MCTP1: variants seen among roughly 807,000 people sequenced by gnomAD.
The protein encoded by MCTP1 is multiple C2 and transmembrane domain-containing protein 1.
Under a neutral mutation model 120.6 loss-of-function variants are expected in MCTP1, and 69 were observed. The observed-to-expected ratio is 0.57, with a 90% CI of 0.47 to 0.70. MCTP1 has a LOEUF of 0.70. Among genes scored for constraint, MCTP1 ranks in the 30% least tolerant of loss-of-function variants. The probability of loss-of-function intolerance (pLI) is 0.00; values close to 1 mark genes in which losing one functional copy is unlikely to be tolerated. For missense variants in MCTP1, 1,203 were observed against 1,248.8 expected (o/e 0.96, Z 0.55); for synonymous variants, 529 against 493.1 (o/e 1.07, Z -0.96).
At chr5:95,115,449 A>T (rs934076391) in intron 1 of MCTP1, among the ~76,000 whole-genome samples, 5 of 152,096 alleles carry the variant, frequency 3.3e-5, no homozygotes, top group Non-Finnish European at 7.4e-5. Context: ...AATTTAAAAG[A>T]ATCAAGCAGA....
intron 1 of MCTP1, among the ~76,000 whole-genome samples, chr5:95,272,482 G>A (rs1666459844): frequency 6.6e-6 from 1 of 152,200 alleles, no homozygotes; most frequent in African/African-American, 2.4e-5. Flanking sequence ...GTTATACAAA[G>A]TTATCCAAGT....
intron 1 of MCTP1, among the ~76,000 whole-genome samples, chr5:95,104,121 A>G (rs944091700): frequency 1.3e-5 from 2 of 152,210 alleles, no homozygotes; most frequent in Non-Finnish European, 2.9e-5. Context: ...TACTTATTCT[A>G]TAACCTGAGC....
At chr5:95,187,125 A>G (rs1426232445) in intron 1 of MCTP1, among the ~76,000 whole-genome samples, 1 of 152,254 alleles carries the variant, frequency 6.6e-6, no homozygotes, top group Non-Finnish European at 1.5e-5. Context: ...AAAGGAAAGC[A>G]GTAAATCGAA....
At chr5:94,884,183 A>C (rs1226344174) in intron 12 of MCTP1, among the ~76,000 whole-genome samples, 1 of 152,222 alleles carries the variant, frequency 6.6e-6, no homozygotes, top group Non-Finnish European at 1.5e-5. Flanking sequence ...GACTGGAGGC[A>C]CAGTAATCAA....
intron 1 of MCTP1, among the ~76,000 whole-genome samples, chr5:95,226,305 G>A (rs998141105): frequency 2.6e-5 from 4 of 152,184 alleles, no homozygotes; most frequent in Admixed American, 6.5e-5. Context: ...TTGTGGCTAC[G>A]TTAATTTTTT....
At chr5:94,721,958 A>T (rs955326219) in intron 19 of MCTP1, among the ~76,000 whole-genome samples, 1 of 151,924 alleles carries the variant, frequency 6.6e-6, no homozygotes, top group Non-Finnish European at 1.5e-5. Context: ...ATATTGCACA[A>T]CTATTTCTAA....
At chr5:94,975,319 G>A (rs1275812429) in intron 2 of MCTP1, among the ~76,000 whole-genome samples, 1 of 151,996 alleles carries the variant, frequency 6.6e-6, no homozygotes, top group Admixed American at 6.6e-5. Flanking sequence ...AGGCGATTAG[G>A]TTTGGATAAG....
intron 12 of MCTP1, among the ~76,000 whole-genome samples, chr5:94,887,042 T>A (rs1801509349): frequency 6.6e-6 from 1 of 152,204 alleles, no homozygotes; most frequent in Admixed American, 6.5e-5. Flanking sequence ...GGTCAAAGAC[T>A]GAATTATCTT....
chr5:95,209,935 C>T (rs571631821), intron 1 of MCTP1, among the ~76,000 whole-genome samples: 80 of 152,298 alleles, frequency 5.3e-4, no homozygotes, highest in Non-Finnish European at 1.0e-3. Context: ...ATGTACCCAG[C>T]AGTCATTGAG....
intron 2 of MCTP1, among the ~76,000 whole-genome samples, chr5:94,992,113 G>GCCAGAGGAATTCTTAAAA (rs1831677927): frequency 6.6e-6 from 1 of 152,144 alleles, no homozygotes; most frequent in Non-Finnish European, 1.5e-5. Flanking sequence ...GTAGCATACA[G>GCCAGAGGAATTCTTAAAA]CCAGAGGAAT....
At chr5:95,267,415 C>G (rs1442836960) in intron 1 of MCTP1, among the ~76,000 whole-genome samples, 1 of 152,218 alleles carries the variant, frequency 6.6e-6, no homozygotes, top group Non-Finnish European at 1.5e-5. Flanking sequence ...CTCCCCTGAG[C>G]ACTGATAATG....
At chr5:94,758,694 C>T (rs1770554937) in intron 19 of MCTP1, among the ~76,000 whole-genome samples, 1 of 152,088 alleles carries the variant, frequency 6.6e-6, no homozygotes, top group Non-Finnish European at 1.5e-5. Flanking sequence ...TTCATATCAA[C>T]TGTTTTAGTA....
intron 1 of MCTP1, among the ~76,000 whole-genome samples, chr5:95,185,767 G>A (rs1749137667): frequency 6.6e-6 from 1 of 152,028 alleles, no homozygotes; most frequent in Non-Finnish European, 1.5e-5. Flanking sequence ...GGAGGATGAG[G>A]CAGTTGGATC....
chr5:94,793,928 G>C (rs1405125608), intron 18 of MCTP1, among the ~76,000 whole-genome samples: 1 of 152,222 alleles, frequency 6.6e-6, no homozygotes, highest in Non-Finnish European at 1.5e-5. Flanking sequence ...AAGTGCTCTG[G>C]TTCTCACTGG....
intron 1 of MCTP1, among the ~76,000 whole-genome samples, chr5:95,073,588 C>T (rs1752785380): frequency 6.6e-6 from 1 of 152,094 alleles, no homozygotes; most frequent in Non-Finnish European, 1.5e-5. Flanking sequence ...AAAAGGTTTC[C>T]CCAAGATATG....
At chr5:94,961,604 G>T (rs1026806633) in intron 2 of MCTP1, among the ~76,000 whole-genome samples, 2 of 152,100 alleles carry the variant, frequency 1.3e-5, no homozygotes, top group African/African-American at 4.8e-5. Flanking sequence ...TCATCTTTGT[G>T]TGAAGCTGAT....
chr5:95,140,693 TAAAAAAAAAAAAAAAAAA>T lies in MCTP1; in HGVS notation c.721-123227_721-123210del, dbSNP rs35248317. ...TAACACCGTGAAACCCTGTCCCTAC[TAAAAAAAAAAAAAAAAAA>T]AAAAAAAAAAAAAAAAAAATTAGCC... On this transcript the variant is annotated intron_variant, in intron 1 of 22. Transcript: ENST00000515393. 2.7e-3 allele frequency among the ~76,000 whole-genome samples: 74 copies of T among 27,638 alleles called. No homozygotes were observed. In the East Asian group the frequency reaches 0.097, roughly 36 times the overall value. The allele number at this position is 27,638 out of a possible 152,430, so 18.1% of individuals were successfully genotyped here.
At chr5:95,251,310 C>T (rs970119237) in intron 1 of MCTP1, among the ~76,000 whole-genome samples, 1 of 151,784 alleles carries the variant, frequency 6.6e-6, no homozygotes, top group African/African-American at 2.4e-5. Flanking sequence ...ATTAGAGGAA[C>T]CTAAAGAATG....
intron 20 of MCTP1, among the ~76,000 whole-genome samples, chr5:94,713,215 T>TG (rs1195167129): frequency 2.0e-5 from 3 of 152,086 alleles, no homozygotes; most frequent in Admixed American, 2.0e-4. Flanking sequence ...CAGGAGAATT[T>TG]CTTTTTTTTA....
Sources: gnomAD v4.1 joint callset for allele counts (sites outside exome capture counted in the v4.1 genomes callset) on GRCh38, gnomAD v4.1.1 for gene constraint, MANE v1.5 for transcripts, NCBI Gene and HGNC (gene_info 2026-07-23, HGNC 2026-07-21) for gene names.